The following CADM2 variants were observed in gnomAD, a reference collection of about 807,000 sequenced individuals.
CADM2 encodes the protein immunoglobulin superfamily member 4D.
In CADM2, 12 loss-of-function variants were observed where a neutral mutation model predicts 49.8. That is an observed-to-expected ratio of 0.24 (90% CI 0.15 to 0.39). The LOEUF (loss-of-function observed/expected upper bound fraction) is 0.39. CADM2 is among the 10% of genes least tolerant of loss of function. CADM2 has a pLI of 1.00. For synonymous variants in CADM2, 214 were observed against 175.4 expected, an observed-to-expected ratio of 1.22 and a Z score of -1.74; for missense variants, 378 against 492.3, an observed-to-expected ratio of 0.77 and a Z score of 2.20.
At chr3:85,865,980 G>T (rs1425212672) in intron 3 of CADM2, among the ~76,000 whole-genome samples, 3 of 152,184 alleles carry the variant, frequency 2.0e-5, no homozygotes, top group African/African-American at 7.2e-5. Context: ...TGGGAGGTTT[G>T]TAGCTAGGAC....
intron 1 of CADM2, among the ~76,000 whole-genome samples, chr3:85,193,398 T>A (rs1413425828): frequency 2.6e-5 from 4 of 152,068 alleles, no homozygotes; most frequent in Admixed American, 2.0e-4. Flanking sequence ...TCTAAAAAAT[T>A]GTAAAAGCTT....
chr3:85,839,019 A>T (rs2074524868), intron 3 of CADM2, among the ~76,000 whole-genome samples: 1 of 151,818 alleles, frequency 6.6e-6, no homozygotes, highest in Non-Finnish European at 1.5e-5. Context: ...AGGGAAGAAC[A>T]TGTGTTTTGT....
chr3:85,050,504 C>T (rs966104502), intron 1 of CADM2, among the ~76,000 whole-genome samples: 6 of 151,946 alleles, frequency 3.9e-5, no homozygotes, highest in Non-Finnish European at 8.8e-5. Context: ...CTACAATTTT[C>T]TAAATATATT....
At position 85,862,993 on chromosome 3, in the gene CADM2, G is replaced by A. The variant is rs1026863379; in HGVS notation, c.239-20298G>A. On this transcript the variant is annotated intron_variant, in intron 3 of 9. Coordinates refer to ENST00000383699, the MANE Select transcript of CADM2 (RefSeq NM_001167675.2). ...GAGAGGAAATGTTATCAAGAACTCT[G>A]CTTCAGACATGCTAATTCTGAACTG... Among the ~76,000 whole-genome samples, 6 of 152,150 alleles carry A rather than the reference G, an allele frequency of 3.9e-5. No individual in the cohort carries two copies. The East Asian group carries it at 9.6e-4, about 24-fold the overall frequency.
intron 1 of CADM2, among the ~76,000 whole-genome samples, chr3:85,543,463 T>C (rs1350313044): frequency 6.6e-6 from 1 of 151,470 alleles, no homozygotes; most frequent in African/African-American, 2.4e-5. Flanking sequence ...TGTGTATTTT[T>C]AGTAGAAACG....
At position 85,284,961 on chromosome 3, in the gene CADM2, A is replaced by G. The variant is rs949849908; in HGVS notation, c.61+325293A>G. On this transcript the variant is annotated intron_variant, in intron 1 of 9. Coordinates refer to ENST00000383699, the MANE Select transcript of CADM2 (RefSeq NM_001167675.2). ...AAGCAGATCGATTGGTAGCCTACTG[A>G]AATAATTCTAGAGAAACATGGCAGT... Among the ~76,000 whole-genome samples the G allele has an allele frequency of 2.0e-5, 3 of 152,216 alleles. No homozygotes were observed. The East Asian group carries it at 5.8e-4, about 30-fold the overall frequency.
At chr3:85,463,913 A>G (rs541003005) in intron 1 of CADM2, among the ~76,000 whole-genome samples, 1 of 152,246 alleles carries the variant, frequency 6.6e-6, no homozygotes, top group African/African-American at 2.4e-5. Context: ...TAACTATAAT[A>G]TGTTCATAGA....
chr3:85,264,252 A>G (rs17022667), intron 1 of CADM2, among the ~76,000 whole-genome samples: 2,408 of 152,198 alleles, frequency 0.016, 20 homozygotes, highest in Non-Finnish European at 0.022. Context: ...AGTAGTATTC[A>G]TCAACACCCA....
rs552676144 is a variant in CADM2, at chr3:85,781,776, A to C, written c.89-20271A>C. Among the ~76,000 whole-genome samples, 3 of 152,290 alleles carry C rather than the reference A, an allele frequency of 2.0e-5. No homozygotes were observed. In the South Asian group the frequency reaches 6.2e-4, roughly 32 times the overall value. On this transcript the variant is annotated intron_variant, in intron 2 of 9. Transcript: ENST00000383699. Reference sequence around the variant, plus strand: ...GTTTTGCCAGTGTTTTGGAGACCAGACTTTCTATTTTCTTTCACAAAGCTA... The same window carrying C: ...GTTTTGCCAGTGTTTTGGAGACCAGCCTTTCTATTTTCTTTCACAAAGCTA...
chr3:85,651,962 C>T lies in CADM2; in HGVS notation c.62-74560C>T, dbSNP rs554953821. Among the ~76,000 whole-genome samples, 7 of 147,926 alleles carry T rather than the reference C, an allele frequency of 4.7e-5. No individual in the cohort carries two copies. The South Asian group carries it at 8.8e-4, about 19-fold the overall frequency. On this transcript the variant is annotated intron_variant, in intron 1 of 9. Transcript: ENST00000383699. ...CCTCCCGAGTAGCTGGGACTACAGG[C>T]GCCTGCCACCACGCCCGGCTACTTT...
At chr3:85,003,580 A>G (rs1403395466) in intron 1 of CADM2, among the ~76,000 whole-genome samples, 1 of 152,134 alleles carries the variant, frequency 6.6e-6, no homozygotes, top group Non-Finnish European at 1.5e-5. Flanking sequence ...ATTATTACCA[A>G]TCTGTTACAA....
intron 1 of CADM2, among the ~76,000 whole-genome samples, chr3:85,325,202 T>G (rs1027563449): frequency 6.6e-6 from 1 of 152,218 alleles, no homozygotes; most frequent in Admixed American, 6.5e-5. Context: ...TTCAACATCC[T>G]TTTCCATAAA....
chr3:85,972,495 CAT>C (rs1419429814), intron 8 of CADM2, among the ~76,000 whole-genome samples: 1 of 151,736 alleles, frequency 6.6e-6, no homozygotes, highest in Non-Finnish European at 1.5e-5. Context: ...AGAAAGTAAA[CAT>C]ATGGATTCCA....
At chr3:85,323,571 C>A (rs2044671755) in intron 1 of CADM2, among the ~76,000 whole-genome samples, 1 of 152,112 alleles carries the variant, frequency 6.6e-6, no homozygotes, top group African/African-American at 2.4e-5. Context: ...TCATGATAAC[C>A]TTAAATATAT....
At chr3:85,159,925 C>A (rs570392635) in intron 1 of CADM2, among the ~76,000 whole-genome samples, 18 of 152,180 alleles carry the variant, frequency 1.2e-4, no homozygotes, top group Non-Finnish European at 2.6e-4. Context: ...TCATATTTGG[C>A]AAATTCCTTT....
intron 3 of CADM2, among the ~76,000 whole-genome samples, chr3:85,868,135 G>A (rs2075790862): frequency 6.6e-6 from 1 of 151,854 alleles, no homozygotes; most frequent in Non-Finnish European, 1.5e-5. Flanking sequence ...GCTCAAAGAA[G>A]CAAGAAAAGA....
intron 2 of CADM2, among the ~76,000 whole-genome samples, chr3:85,751,104 G>A (rs1577225528): frequency 6.6e-6 from 1 of 152,196 alleles, no homozygotes; most frequent in East Asian, 1.9e-4. Context: ...CTAATGTACA[G>A]TGAGTCATTC....
chr3:85,940,228 A>C (rs1320607567), intron 7 of CADM2, among the ~76,000 whole-genome samples: 1 of 151,256 alleles, frequency 6.6e-6, no homozygotes, highest in East Asian at 1.9e-4. Context: ...AATCCCAGCT[A>C]CTGGGGAGGT....
chr3:85,078,344 A>C (rs2037029374), intron 1 of CADM2, among the ~76,000 whole-genome samples: 1 of 151,988 alleles, frequency 6.6e-6, no homozygotes, highest in African/African-American at 2.4e-5. Context: ...AATATAAATA[A>C]ACTGTTCCTG....
Sources: gnomAD v4.1 joint callset for allele counts (sites outside exome capture counted in the v4.1 genomes callset) on GRCh38, gnomAD v4.1.1 for gene constraint, MANE v1.5 for transcripts, NCBI Gene and HGNC (gene_info 2026-07-23, HGNC 2026-07-21) for gene names.